Variants in PALM2AKAP2 observed in about 807,000 individuals in gnomAD.
PALM2AKAP2 encodes the protein PALM2 and AKAP2 fusion, also known as PALM2-AKAP2 fusion protein.
PALM2AKAP2 carries 37 observed loss-of-function variants against 71.5 expected under a neutral mutation model. That is an observed-to-expected ratio of 0.52 (90% CI 0.40 to 0.68). The LOEUF (loss-of-function observed/expected upper bound fraction) is 0.68. PALM2AKAP2 is among the 30% of genes least tolerant of loss of function. PALM2AKAP2 has a pLI of 0.00. For missense variants in PALM2AKAP2, 1,224 were observed against 1,191.8 expected (o/e 1.03, Z -0.40); for synonymous variants, 468 against 478.8 (o/e 0.98, Z 0.29).
intron 1 of PALM2AKAP2, among the ~76,000 whole-genome samples, chr9:109,851,299 G>A (rs1472598649): frequency 3.3e-5 from 5 of 152,124 alleles, no homozygotes; most frequent in Non-Finnish European, 1.5e-5. Context: ...GCCTGGGCTT[G>A]GTGCTTTTTG....
chr9:110,091,608 G>T (rs1038380854), intron 1 of PALM2AKAP2, among the ~76,000 whole-genome samples: 1 of 151,436 alleles, frequency 6.6e-6, no homozygotes, highest in Non-Finnish European at 1.5e-5. Context: ...GACTATAGGC[G>T]CCTGCCTCCA....
At chr9:109,957,487 G>A (rs150338176) in intron 6 of PALM2AKAP2, among the ~76,000 whole-genome samples, 1 of 152,358 alleles carries the variant, frequency 6.6e-6, no homozygotes, top group Non-Finnish European at 1.5e-5. Context: ...CACTAGAGAA[G>A]CAGCAGACAT....
chr9:109,834,457 G>T (rs1373892341), intron 1 of PALM2AKAP2, among the ~76,000 whole-genome samples: 1 of 152,176 alleles, frequency 6.6e-6, no homozygotes, highest in Non-Finnish European at 1.5e-5. Flanking sequence ...TGCCTTTGTA[G>T]GTAAATATGA....
chr9:109,907,946 C>T (rs139633718), intron 3 of PALM2AKAP2, among the ~76,000 whole-genome samples: 144 of 152,312 alleles, frequency 9.5e-4, no homozygotes, highest in Admixed American at 1.8e-3. Flanking sequence ...CTCTACCTTC[C>T]GGATAGATAT....
chr9:110,119,766 A>G (rs1253370192), intron 1 of PALM2AKAP2, among the ~76,000 whole-genome samples: 1 of 152,038 alleles, frequency 6.6e-6, no homozygotes, highest in Non-Finnish European at 1.5e-5. Flanking sequence ...TGGGTTGTTG[A>G]CCTTTTTTAT....
intron 1 of PALM2AKAP2, among the ~76,000 whole-genome samples, chr9:109,750,993 C>T (rs1564134188): frequency 6.6e-6 from 1 of 152,166 alleles, no homozygotes; most frequent in Admixed American, 6.5e-5. Flanking sequence ...TTGCATTCCA[C>T]CCTCACCCCT....
chr9:109,902,021 T>A (rs139501031), intron 3 of PALM2AKAP2, among the ~76,000 whole-genome samples: 11 of 152,330 alleles, frequency 7.2e-5, no homozygotes, highest in Non-Finnish European at 1.5e-4. Context: ...AATAGAGTTC[T>A]ATCACAGATT....
chr9:109,855,822 G>A (rs1829147581), intron 1 of PALM2AKAP2, among the ~76,000 whole-genome samples: 1 of 152,206 alleles, frequency 6.6e-6, no homozygotes, highest in Non-Finnish European at 1.5e-5. Context: ...GGGAAGTACA[G>A]TGTTGATTCT....
At chr9:110,115,855 G>A (rs1835350176) in intron 1 of PALM2AKAP2, among the ~76,000 whole-genome samples, 2 of 152,170 alleles carry the variant, frequency 1.3e-5, no homozygotes, top group Non-Finnish European at 2.9e-5. Context: ...CCATTTTCCT[G>A]TTGGAAAGTG....
chr9:109,692,248 A>G (rs1169519920), intron 1 of PALM2AKAP2, among the ~76,000 whole-genome samples: 2 of 151,778 alleles, frequency 1.3e-5, no homozygotes, highest in Non-Finnish European at 2.9e-5. Context: ...ATATAGTATC[A>G]TAGTTGGTAC....
At chr9:110,014,147 T>C (rs1381625888) in intron 6 of PALM2AKAP2, among the ~76,000 whole-genome samples, 1 of 152,194 alleles carries the variant, frequency 6.6e-6, no homozygotes, top group Non-Finnish European at 1.5e-5. Flanking sequence ...TGCTAGACAG[T>C]TGAAATTTTG....
chr9:109,931,734 A>C (rs1831106189), intron 5 of PALM2AKAP2, among the ~76,000 whole-genome samples, 193 bp from the exon 6 acceptor site: 1 of 152,100 alleles, frequency 6.6e-6, no homozygotes, highest in Non-Finnish European at 1.5e-5. Context: ...TCTGGCCAGG[A>C]TCCCTCCTGC....
At chr9:109,789,676 A>C (rs965510949) in intron 1 of PALM2AKAP2, among the ~76,000 whole-genome samples, 1 of 152,190 alleles carries the variant, frequency 6.6e-6, no homozygotes, top group Non-Finnish European at 1.5e-5. Context: ...GCCACACAGC[A>C]TGGCGGAGTT....
In PALM2AKAP2 at chr9:110,109,233, CT is replaced by C. The variant is rs1835183270; in HGVS notation, c.157-26892del. ...TCAGAAGGCTGAGGCAGGAGAATTG[CT>C]TGAACCCGGGAAGTGGAGGTTGCGG... On this transcript the variant is annotated intron_variant, in intron 1 of 3. Transcript: ENST00000374525. Among the ~76,000 whole-genome samples, 5 of 145,334 alleles carry C rather than the reference CT, an allele frequency of 3.4e-5. No homozygotes were observed. In the South Asian group the frequency reaches 1.1e-3, roughly 33 times the overall value.
In PALM2AKAP2 at chr9:110,108,361, C is replaced by T. The variant is rs550201363; in HGVS notation, c.157-27766C>T. 5.3e-5 allele frequency among the ~76,000 whole-genome samples: 8 copies of T among 152,246 alleles called. No individual in the cohort carries two copies. In the South Asian group the frequency reaches 1.7e-3, roughly 32 times the overall value. On this transcript the variant is annotated intron_variant, in intron 1 of 3. Transcript: ENST00000374525. Reference sequence around the variant, plus strand: ...CTCCTGACCTCAGGTGATCCACCTGCCTCGGTCTCCCAAAGTGCTGGGATT... The same window carrying T: ...CTCCTGACCTCAGGTGATCCACCTGTCTCGGTCTCCCAAAGTGCTGGGATT...
exon 2 of PALM2AKAP2, chr9:110,137,488 C>T: frequency 6.2e-7 from 1 of 1,614,128 alleles, no homozygotes. Flanking sequence ...AGGAAGGGCC[C>T]TACAGCGAGC....
intron 1 of PALM2AKAP2, among the ~76,000 whole-genome samples, chr9:109,841,533 A>G (rs1587950808): frequency 2.2e-5 from 1 of 45,350 alleles, no homozygotes; most frequent in Non-Finnish European, 4.0e-5. Flanking sequence ...AAAAAGAAAA[A>G]GGGTGGAGAG....
At chr9:109,832,164 C>T (rs1828318665) in intron 1 of PALM2AKAP2, among the ~76,000 whole-genome samples, 1 of 152,232 alleles carries the variant, frequency 6.6e-6, no homozygotes, top group South Asian at 2.1e-4. Context: ...CTCAAGAGGT[C>T]ACACGCAGAG....
At chr9:109,962,010 T>C (rs55818841) in intron 6 of PALM2AKAP2, among the ~76,000 whole-genome samples, 1,563 of 152,338 alleles carry the variant, frequency 0.01, 12 homozygotes, top group Non-Finnish European at 0.015. Context: ...TCAGTAGTTA[T>C]AATTGCCACC....
Sources: gnomAD v4.1 joint callset for allele counts (sites outside exome capture counted in the v4.1 genomes callset) on GRCh38, gnomAD v4.1.1 for gene constraint, MANE v1.5 for transcripts, NCBI Gene and HGNC (gene_info 2026-07-23, HGNC 2026-07-21) for gene names.